NRG3: variants seen among roughly 807,000 people sequenced by gnomAD.
NRG3 encodes the protein pro-neuregulin-3, membrane-bound isoform.
In NRG3, 31 loss-of-function variants were observed where a neutral mutation model predicts 66.9. The ratio of observed to expected loss-of-function variants is 0.46; its 90% CI spans 0.35 to 0.63. The LOEUF is 0.63. Among genes scored for constraint, NRG3 ranks in the 20% least tolerant of loss-of-function variants. The probability of loss-of-function intolerance (pLI) is 0.00; values close to 1 mark genes in which losing one functional copy is unlikely to be tolerated. For missense variants in NRG3, 910 were observed against 878.9 expected, an observed-to-expected ratio of 1.04 and a Z score of -0.45; for synonymous variants, 393 against 359.4, an observed-to-expected ratio of 1.09 and a Z score of -1.06.
chr10:82,238,777 A>G (rs979314329), intron 1 of NRG3, among the ~76,000 whole-genome samples: 1 of 151,914 alleles, frequency 6.6e-6, no homozygotes, highest in African/African-American at 2.4e-5. Context: ...CATATAATCT[A>G]TCACTTCTCA....
chr10:82,543,928 A>C (rs1381358537), intron 2 of NRG3, among the ~76,000 whole-genome samples: 1 of 152,210 alleles, frequency 6.6e-6, no homozygotes, highest in Non-Finnish European at 1.5e-5. Context: ...TATGACAACT[A>C]AGCAAAGACT....
chr10:82,786,490 A>G (rs555382820), intron 3 of NRG3, among the ~76,000 whole-genome samples: 11 of 151,642 alleles, frequency 7.3e-5, no homozygotes, highest in Non-Finnish European at 1.2e-4. Context: ...CTGCCCCCCC[A>G]TTGTGTTTTG....
intron 4 of NRG3, among the ~76,000 whole-genome samples, chr10:82,909,458 T>G (rs916423522): frequency 2.6e-5 from 4 of 152,018 alleles, no homozygotes; most frequent in Non-Finnish European, 5.9e-5. Context: ...CAGGTTGCAG[T>G]CAAAACACAA....
chr10:82,727,326 G>A (rs969686907), intron 2 of NRG3, among the ~76,000 whole-genome samples: 16 of 78,328 alleles, frequency 2.0e-4, no homozygotes, highest in African/African-American at 8.8e-4. Context: ...GGAGGCCTAG[G>A]AGAAAAAAAA....
chr10:82,739,424 G>A (rs570464686), intron 3 of NRG3, among the ~76,000 whole-genome samples: 4 of 152,242 alleles, frequency 2.6e-5, no homozygotes, highest in South Asian at 2.1e-4. Context: ...ATAATGATAG[G>A]CATTTTGCAA....
intron 3 of NRG3, among the ~76,000 whole-genome samples, chr10:82,852,071 A>G (rs1231627513): frequency 2.0e-5 from 3 of 152,200 alleles, no homozygotes; most frequent in African/African-American, 4.8e-5. Context: ...GGAATTGGAA[A>G]GGGAATGTGG....
chr10:82,119,879 C>T (rs2067976476), intron 1 of NRG3, among the ~76,000 whole-genome samples: 1 of 152,032 alleles, frequency 6.6e-6, no homozygotes, highest in African/African-American at 2.4e-5. Flanking sequence ...TCCTTTCTGC[C>T]ATCCTTGAAT....
chr10:82,349,942 C>A (rs914925008), intron 1 of NRG3, among the ~76,000 whole-genome samples: 1 of 152,284 alleles, frequency 6.6e-6, no homozygotes, highest in Admixed American at 6.5e-5. Flanking sequence ...GTGCGCGCAC[C>A]CACTGACCTG....
At chr10:82,223,982 T>C (rs1194150055) in intron 1 of NRG3, among the ~76,000 whole-genome samples, 2 of 152,086 alleles carry the variant, frequency 1.3e-5, no homozygotes, top group Non-Finnish European at 1.5e-5. Context: ...TGACAGAAAA[T>C]GTTGCCGGAT....
chr10:82,676,313 G>A (rs2053681330), intron 2 of NRG3, among the ~76,000 whole-genome samples: 1 of 152,066 alleles, frequency 6.6e-6, no homozygotes, highest in Non-Finnish European at 1.5e-5. Context: ...ACATCTGCTT[G>A]GATTGCCTTA....
chr10:82,909,505 G>GA (rs201560544), intron 4 of NRG3, among the ~76,000 whole-genome samples: 13 of 150,228 alleles, frequency 8.7e-5, no homozygotes, highest in Non-Finnish European at 1.3e-4. Context: ...ACCCCAAGGG[G>GA]AAAAAAAAAG....
intron 1 of NRG3, among the ~76,000 whole-genome samples, chr10:81,938,062 G>C (rs1470768225): frequency 6.6e-6 from 1 of 152,046 alleles, no homozygotes; most frequent in African/African-American, 2.4e-5. Flanking sequence ...AGACCTGAGA[G>C]TTTATTTCTG....
intron 2 of NRG3, among the ~76,000 whole-genome samples, chr10:82,471,110 A>C (rs559209031): frequency 8.8e-4 from 134 of 152,270 alleles, no homozygotes; most frequent in African/African-American, 3.0e-3. Context: ...TGACCATGAA[A>C]GATTAGGCAC....
At chr10:82,951,360 CA>C in intron 4 of NRG3, 108 bp from the exon 5 acceptor site, 2 of 758,888 alleles carry the variant, frequency 2.6e-6, no homozygotes, top group Non-Finnish European at 4.4e-6. Flanking sequence ...TGACAGAAAC[CA>C]AAAAGTTGGC....
chr10:82,742,421 C>T (rs928841884), intron 3 of NRG3, among the ~76,000 whole-genome samples: 1 of 152,092 alleles, frequency 6.6e-6, no homozygotes, highest in African/African-American at 2.4e-5. Context: ...CTATAGCTAA[C>T]TCCATTCAGG....
intron 1 of NRG3, among the ~76,000 whole-genome samples, chr10:82,217,313 G>A (rs2516327): frequency 3.3e-5 from 5 of 152,110 alleles, no homozygotes; most frequent in Admixed American, 6.5e-5. Flanking sequence ...GGGTGCCATC[G>A]CTCTTAACAC....
intron 1 of NRG3, among the ~76,000 whole-genome samples, chr10:82,343,102 G>A (rs1745977017): frequency 6.6e-6 from 1 of 151,828 alleles, no homozygotes; most frequent in Non-Finnish European, 1.5e-5. Context: ...ATCAAATCTA[G>A]GGCTCTCAAT....
At chr10:82,102,376 T>A (rs1452592958) in intron 1 of NRG3, among the ~76,000 whole-genome samples, 2 of 151,142 alleles carry the variant, frequency 1.3e-5, no homozygotes, top group Non-Finnish European at 3.0e-5. Context: ...TTTCTTGAAG[T>A]CATTGCATAG....
At chr10:82,599,357 C>T (rs781181763) in intron 2 of NRG3, among the ~76,000 whole-genome samples, 10 of 152,076 alleles carry the variant, frequency 6.6e-5, no homozygotes, top group Non-Finnish European at 1.3e-4. Flanking sequence ...GATGCAGCTA[C>T]GTCATTAGCA....
Sources: gnomAD v4.1 joint callset for allele counts (sites outside exome capture counted in the v4.1 genomes callset) on GRCh38, gnomAD v4.1.1 for gene constraint, MANE v1.5 for transcripts, NCBI Gene and HGNC (gene_info 2026-07-23, HGNC 2026-07-21) for gene names.